Variants in FSHR observed in about 807,000 individuals in gnomAD.
FSHR encodes follicle stimulating hormone receptor.
Under a neutral mutation model 52.1 loss-of-function variants are expected in FSHR, and 46 were observed. The observed-to-expected ratio is 0.88, with a 90% CI of 0.70 to 1.13. The LOEUF (loss-of-function observed/expected upper bound fraction) is 1.13. Among genes scored for constraint, FSHR ranks in the 50% most tolerant of loss-of-function variants. FSHR has a pLI of 0.00. For missense variants in FSHR, 964 were observed against 834.6 expected (o/e 1.16, Z -1.91); for synonymous variants, 399 against 309.6 (o/e 1.29, Z -3.03).
In FSHR at chr2:49,042,917, C is replaced by T. The variant is rs1273299803; in HGVS notation, c.225-22757G>A. 2.6e-5 allele frequency among the ~76,000 whole-genome samples: 4 copies of T among 152,018 alleles called. 1 individual carries two copies. Among genetic ancestry groups the T allele is most frequent in the South Asian group, 4.1e-4 (2 of 4,822 alleles). ...ACCCATAAACTTACTGACCAGGCAC[C>T]GTCTATTTTTTTATGCCTAACATTG... On this transcript the variant is annotated intron_variant, in intron 2 of 9. Transcript: ENST00000406846.
At chr2:49,068,937 C>T (rs563541991) in intron 1 of FSHR, among the ~76,000 whole-genome samples, 1 of 152,046 alleles carries the variant, frequency 6.6e-6, no homozygotes, top group African/African-American at 2.4e-5. Flanking sequence ...ACCTTTTTCC[C>T]CTTCTTTCCT....
intron 1 of FSHR, among the ~76,000 whole-genome samples, chr2:49,097,342 C>T (rs1670865808): frequency 6.6e-6 from 1 of 152,166 alleles, no homozygotes; most frequent in Non-Finnish European, 1.5e-5. Context: ...AGTGATACAT[C>T]TTCAAGTTCA....
chr2:49,012,892 C>T (rs947168252), intron 4 of FSHR, among the ~76,000 whole-genome samples: 7 of 152,042 alleles, frequency 4.6e-5, no homozygotes, highest in African/African-American at 1.7e-4. Context: ...GAACTGTGTC[C>T]TCTCAAAACT....
chr2:49,097,523 G>T (rs1001485923), intron 1 of FSHR, among the ~76,000 whole-genome samples: 1 of 152,302 alleles, frequency 6.6e-6, no homozygotes, highest in East Asian at 1.9e-4. Flanking sequence ...TATCTTGGAT[G>T]AACTACTGTG....
At chr2:48,981,033 C>T (rs1675223652) in intron 8 of FSHR, among the ~76,000 whole-genome samples, 1 of 152,138 alleles carries the variant, frequency 6.6e-6, no homozygotes, top group Admixed American at 6.5e-5. Context: ...AACTGACATG[C>T]TGCTATTGTG....
chr2:49,018,504 T>C (rs570239566), intron 3 of FSHR, among the ~76,000 whole-genome samples: 2 of 152,352 alleles, frequency 1.3e-5, no homozygotes, highest in Admixed American at 1.3e-4. Context: ...CACCTCTTTA[T>C]GCAAGGAAGA....
At chr2:49,041,087 G>A (rs745847788) in intron 2 of FSHR, among the ~76,000 whole-genome samples, 2 of 152,142 alleles carry the variant, frequency 1.3e-5, no homozygotes, top group African/African-American at 2.4e-5. Flanking sequence ...AATGCAAGAC[G>A]GCTATACACA....
At position 48,963,518 on chromosome 2, in the gene FSHR, C is replaced by T; in HGVS notation, c.1303G>A (p.Asp435Asn). 1 of 1,614,168 alleles carries T rather than the reference C, an allele frequency of 6.2e-7. No individual in the cohort carries two copies. The highest frequency in any genetic ancestry group is 8.5e-7 in the Non-Finnish European group (1 of 1,180,020). Residue 435 changes from aspartate (D) to asparagine (N), a missense_variant, in exon 10 of 10, where the codon GAC becomes AAC. Coordinates refer to ENST00000406846, the MANE Select transcript of FSHR (RefSeq NM_000145.4). ...TKSQYHNYAI[D>N]WQTGAGCDAA... is the part of the protein sequence containing the mutation. ...TCACAGCCTGCCCCAGTTTGCCAGT[C>T]AATGGCATAGTTGTGATATTGGCTC...
chr2:49,153,738 AC>A (rs1211840267), intron 1 of FSHR, among the ~76,000 whole-genome samples: 3 of 151,654 alleles, frequency 2.0e-5, no homozygotes, highest in African/African-American at 7.3e-5. Flanking sequence ...CTTTCTTCAC[AC>A]CTTTTCTCTT....
intron 2 of FSHR, among the ~76,000 whole-genome samples, chr2:49,021,832 TC>T (rs1395561599): frequency 0.15 from 3,279 of 21,542 alleles, 91 homozygotes; most frequent in East Asian, 0.27. Context: ...GGTATGTGTT[TC>T]TCTCTCTCTC....
chr2:49,072,286 A>C (rs1669766276), intron 1 of FSHR, among the ~76,000 whole-genome samples: 1 of 152,178 alleles, frequency 6.6e-6, no homozygotes, highest in African/African-American at 2.4e-5. Context: ...ACATGGGTCA[A>C]AGAAGACATC....
At chr2:49,102,619 G>T (rs1015565790) in intron 1 of FSHR, among the ~76,000 whole-genome samples, 2 of 152,180 alleles carry the variant, frequency 1.3e-5, no homozygotes, top group African/African-American at 4.8e-5. Context: ...CTGAAGTTCA[G>T]TAAAGTGATA....
chr2:49,109,733 T>C (rs934212760), intron 1 of FSHR, among the ~76,000 whole-genome samples: 5 of 152,170 alleles, frequency 3.3e-5, no homozygotes, highest in African/African-American at 1.2e-4. Flanking sequence ...TTCTCCAGTA[T>C]CTCAGAAATT....
chr2:49,007,240 G>A (rs1030006273), intron 4 of FSHR, among the ~76,000 whole-genome samples: 3 of 152,110 alleles, frequency 2.0e-5, no homozygotes, highest in African/African-American at 7.2e-5. Context: ...GATTCATTGT[G>A]TAGGGACATT....
chr2:49,079,750 A>T (rs914514097), intron 1 of FSHR, among the ~76,000 whole-genome samples: 1 of 152,160 alleles, frequency 6.6e-6, no homozygotes, highest in African/African-American at 2.4e-5. Flanking sequence ...ATTTTACTAA[A>T]GATATAAATA....
chr2:49,123,328 A>T (rs1173381140), intron 1 of FSHR, among the ~76,000 whole-genome samples: 1 of 151,984 alleles, frequency 6.6e-6, no homozygotes, highest in African/African-American at 2.4e-5. Flanking sequence ...CTCTACAAGA[A>T]ATGCAATAAT....
chr2:49,017,339 T>A, intron 4 of FSHR, 150 bp downstream of exon 4: 1 of 620,800 alleles, frequency 1.6e-6, no homozygotes, highest in Non-Finnish European at 2.9e-6. Context: ...CTAAAATCCA[T>A]CACCAAGTAT....
At chr2:49,046,513 T>C (rs568162210) in intron 2 of FSHR, among the ~76,000 whole-genome samples, 13 of 152,316 alleles carry the variant, frequency 8.5e-5, no homozygotes, top group Admixed American at 7.2e-4. Flanking sequence ...AAGATTCTTA[T>C]GATCAGATAA....
At chr2:49,005,034 C>T (rs1446199142) in intron 4 of FSHR, among the ~76,000 whole-genome samples, 1 of 151,980 alleles carries the variant, frequency 6.6e-6, no homozygotes, top group Non-Finnish European at 1.5e-5. Flanking sequence ...TTTAGCATTA[C>T]CTTTTTCAGG....
Sources: allele counts gnomAD v4.1 joint callset (sites outside exome capture counted in the v4.1 genomes callset), GRCh38; gene constraint gnomAD v4.1.1; transcripts MANE v1.5; gene names NCBI Gene and HGNC (gene_info 2026-07-23, HGNC 2026-07-21).